The following NCOA7 variants were observed in gnomAD, a reference collection of about 807,000 sequenced individuals.
NCOA7 encodes the protein nuclear receptor coactivator 7.
Under a neutral mutation model 104.3 loss-of-function variants are expected in NCOA7, and 45 were observed. The observed-to-expected ratio is 0.43, with a 90% CI of 0.34 to 0.55. The LOEUF is 0.55. NCOA7 is among the 20% of genes least tolerant of loss of function. The pLI is 0.02. For missense variants in NCOA7, 1,041 were observed against 1,119.7 expected (o/e 0.93, Z 1.00); for synonymous variants, 398 against 402.3 (o/e 0.99, Z 0.13).
upstream of NCOA7, among the ~76,000 whole-genome samples, chr6:125,789,458 G>A (rs1774636855): frequency 6.6e-6 from 1 of 152,198 alleles, no homozygotes; most frequent in African/African-American, 2.4e-5. Context: ...TCAAAGAACT[G>A]TGAGAGCAGC....
intron 1 of NCOA7, among the ~76,000 whole-genome samples, chr6:125,791,973 T>G (rs1473785294): frequency 1.3e-5 from 2 of 152,078 alleles, no homozygotes; most frequent in Admixed American, 1.3e-4. Flanking sequence ...TTTTGAAAAA[T>G]GCATCACTGT....
At chr6:125,787,125 GA>G (rs78334930), upstream of NCOA7, among the ~76,000 whole-genome samples, 19,981 of 118,710 alleles carry the variant, frequency 0.17, 1,643 homozygotes, top group African/African-American at 0.27. Flanking sequence ...CTGTCTGGAA[GA>G]AAAAAAAAAA....
chr6:125,884,241 T>A (rs1473153950), intron 7 of NCOA7, among the ~76,000 whole-genome samples: 1 of 152,252 alleles, frequency 6.6e-6, no homozygotes, highest in Admixed American at 6.5e-5. Context: ...ATTTTCTTTA[T>A]TCATCTATTG....
Position 125,889,022 on chromosome 6 carries a change from G to A in NCOA7, c.968G>A (p.Ser323Asn), listed in dbSNP as rs1173289232. The stretch of plus-strand genomic sequence containing the variant: ...TCAGAAAAGGATATCAACCCATTCA[G>A]TAAGTTCAAATCTATCAACAAGGAA... ...LASEKDINPF[S>N]KFKSINKEKR... The change falls in exon 9 of 16, where the codon AGT becomes AAT. Residue 323 changes from serine (S) to asparagine (N), a missense_variant. Coordinates refer to ENST00000392477, the MANE Select transcript of NCOA7 (RefSeq NM_181782.5). The A allele has an allele frequency of 1.2e-6, 2 of 1,605,560 alleles. No individual in the cohort carries two copies. The highest frequency in any genetic ancestry group is 8.5e-7 in the Non-Finnish European group (1 of 1,175,464).
At chr6:125,907,911 A>G (rs980294460) in intron 10 of NCOA7, among the ~76,000 whole-genome samples, 5 of 152,202 alleles carry the variant, frequency 3.3e-5, no homozygotes, top group Non-Finnish European at 5.9e-5. Flanking sequence ...TTTCTGCTTA[A>G]TGTTAAGTGT....
chr6:125,844,059 G>T (rs961617187), intron 2 of NCOA7, among the ~76,000 whole-genome samples: 14 of 152,120 alleles, frequency 9.2e-5, no homozygotes, highest in African/African-American at 3.1e-4. Context: ...TGGTTACCGG[G>T]GTCTTCTAAG....
intron 2 of NCOA7, among the ~76,000 whole-genome samples, chr6:125,830,585 A>C (rs1285806506): frequency 1.3e-5 from 2 of 151,996 alleles, no homozygotes; most frequent in Non-Finnish European, 2.9e-5. Context: ...AGTTACTGGC[A>C]GGGGCCTAGG....
intron 10 of NCOA7, among the ~76,000 whole-genome samples, chr6:125,905,734 G>A (rs1321045484): frequency 6.6e-6 from 1 of 152,194 alleles, no homozygotes; most frequent in Non-Finnish European, 1.5e-5. Flanking sequence ...AAGGGAAAGT[G>A]AGGTGTGGGA....
At chr6:125,820,242 G>A (rs1778045237) in intron 2 of NCOA7, among the ~76,000 whole-genome samples, 1 of 152,146 alleles carries the variant, frequency 6.6e-6, no homozygotes, top group Non-Finnish European at 1.5e-5. Context: ...CCTCTGCCCT[G>A]GCAATTCTTC....
intron 1 of NCOA7, 157 bp from the exon 2 acceptor site, chr6:125,815,134 T>C: frequency 2.8e-6 from 1 of 362,940 alleles, no homozygotes; most frequent in Non-Finnish European, 5.0e-6. Flanking sequence ...GTTTCTCCCA[T>C]GGACATTTGC....
Position 125,889,714 on chromosome 6 carries a change from G to C in NCOA7, c.1660G>C (p.Gly554Arg), listed in dbSNP as rs762722214. Residue 554 changes from glycine to arginine, a missense_variant, in exon 9 of 16, where the codon GGG becomes CGG. By Grantham distance (125) the Gly-to-Arg change is moderately radical. Transcript: ENST00000392477. The stretch of plus-strand genomic sequence containing the variant: ...AAGTGATGGAAAAAGTATTGAACCA[G>C]GGGGAATAGACATTACCCTTAGTAG... ...ELSDGKSIEP[G>R]GIDITLSSSL... 57 of 1,613,920 alleles carry C rather than the reference G, an allele frequency of 3.5e-5. No homozygotes were observed. The highest frequency in any genetic ancestry group is 4.6e-5 in the Non-Finnish European group (54 of 1,179,998).
At chr6:125,871,705 A>G (rs1465989477) in intron 3 of NCOA7, among the ~76,000 whole-genome samples, 2 of 152,196 alleles carry the variant, frequency 1.3e-5, no homozygotes, top group Admixed American at 6.5e-5. Context: ...AACTATAAAT[A>G]CAAGACAAGG....
chr6:125,805,158 C>T (rs1286392697), intron 1 of NCOA7, among the ~76,000 whole-genome samples: 4 of 140,634 alleles, frequency 2.8e-5, no homozygotes, highest in African/African-American at 5.3e-5. Context: ...TGCAATGGCA[C>T]GATCTCGGCT....
chr6:125,921,453 C>T (rs1046379185), intron 12 of NCOA7, among the ~76,000 whole-genome samples: 17 of 151,970 alleles, frequency 1.1e-4, no homozygotes, highest in Non-Finnish European at 1.5e-4. Flanking sequence ...TTGCCCTTCT[C>T]ACTTGGGCTG....
chr6:125,926,961 T>C (rs1382477000), intron 13 of NCOA7, among the ~76,000 whole-genome samples: 1 of 152,188 alleles, frequency 6.6e-6, no homozygotes, highest in East Asian at 1.9e-4. Flanking sequence ...ACTCCTCATG[T>C]AGCTTGGCTC....
At chr6:125,883,955 G>A (rs1002509916) in intron 7 of NCOA7, among the ~76,000 whole-genome samples, 1 of 152,082 alleles carries the variant, frequency 6.6e-6, no homozygotes, top group Non-Finnish European at 1.5e-5. Flanking sequence ...CTGACCTCAG[G>A]TGATCCACCT....
chr6:125,784,263 C>G (rs1183453150), intron 1 of NCOA7, among the ~76,000 whole-genome samples: 1 of 152,120 alleles, frequency 6.6e-6, no homozygotes, highest in Non-Finnish European at 1.5e-5. Flanking sequence ...ATGTCAGGTA[C>G]TATGTTGGAC....
intron 11 of NCOA7, among the ~76,000 whole-genome samples, chr6:125,919,869 A>G (rs1296865998): frequency 6.6e-6 from 1 of 152,232 alleles, no homozygotes; most frequent in Non-Finnish European, 1.5e-5. Context: ...TGAGTAGTGC[A>G]CTACTGCCTG....
rs562599745 is a variant in NCOA7 at position 125,900,004 on chromosome 6, T to A, written c.2096+9194T>A. 7.7e-5 allele frequency: 41 copies of A among 533,308 alleles called. No individual in the cohort carries two copies. The East Asian group carries it at 2.2e-3, about 28-fold the overall frequency. The allele number at this position is 533,308 out of a possible 1,614,324, so 33.0% of individuals were successfully genotyped here. A position where few individuals can be genotyped will look rare whatever the true frequency, so the allele number is the denominator to read the frequency against. Reference sequence around the variant, plus strand: ...CAGACTAATCCCTGCCAATGGGTGCTGCACACAGTGTTTGGGAGTAAGTAT... The same window carrying A: ...CAGACTAATCCCTGCCAATGGGTGCAGCACACAGTGTTTGGGAGTAAGTAT... On this transcript the variant is annotated intron_variant, in intron 10 of 15. Coordinates refer to ENST00000392477, the MANE Select transcript of NCOA7 (RefSeq NM_181782.5).
Sources: allele counts gnomAD v4.1 joint callset (sites outside exome capture counted in the v4.1 genomes callset), GRCh38; gene constraint gnomAD v4.1.1; transcripts MANE v1.5; gene names NCBI Gene and HGNC (gene_info 2026-07-23, HGNC 2026-07-21).